KIRREL3: variants seen among roughly 807,000 people sequenced by gnomAD.
The protein encoded by KIRREL3 is kirre like nephrin family adhesion molecule 3, also known as kin of IRRE-like protein 3.
KIRREL3 carries 36 observed loss-of-function variants against 89.7 expected under a neutral mutation model. The ratio of observed to expected loss-of-function variants is 0.40; its 90% CI spans 0.31 to 0.53. The LOEUF (loss-of-function observed/expected upper bound fraction) is 0.53, where lower values mean the gene tolerates loss of function less well. Ranked by LOEUF, KIRREL3 falls within the 20% of genes least tolerant of loss-of-function variation. The probability of loss-of-function intolerance (pLI) is 0.49; values close to 1 mark genes in which losing one functional copy is unlikely to be tolerated. For missense variants in KIRREL3, 864 were observed against 1,056.6 expected, an observed-to-expected ratio of 0.82 and a Z score of 2.53; for synonymous variants, 445 against 441.4, an observed-to-expected ratio of 1.01 and a Z score of -0.10.
rs572549954 is a variant in KIRREL3, at chr11:126,571,152, C to T, written c.56-8240G>A. ...TGTGAGATTCGACTCCCAACCAATTCGGAGTCTCAGCCCTTTGGGCTGGCT... is the reference window on the plus strand; with the variant it reads ...TGTGAGATTCGACTCCCAACCAATTTGGAGTCTCAGCCCTTTGGGCTGGCT... On this transcript the variant is annotated intron_variant, in intron 1 of 16. Coordinates refer to ENST00000525144, the MANE Select transcript of KIRREL3 (RefSeq NM_032531.4). The surrounding 1 kb of genome is among the most constrained non-coding windows in gnomAD (Gnocchi z 7.7). Among the ~76,000 whole-genome samples, 56 of 152,286 alleles carry T rather than the reference C, an allele frequency of 3.7e-4. No homozygotes were observed. The highest frequency in any genetic ancestry group is 3.1e-4 in the African/African-American group (13 of 41,548).
chr11:126,975,922 C>T (rs866212268), intron 1 of KIRREL3, among the ~76,000 whole-genome samples: 6 of 85,536 alleles, frequency 7.0e-5, no homozygotes, highest in Non-Finnish European at 1.1e-4. Context: ...CTCCCTTCCT[C>T]CCTCCCTCCC....
chr11:126,565,746 G>T lies in KIRREL3; in HGVS notation c.56-2834C>A, dbSNP rs1015296042. ...GGGTTCACATGAGTGTGCCAGCAGG[G>T]AGTGAAGTGGGGGAAGGGAGGGGAT... On this transcript the variant is annotated intron_variant, in intron 1 of 16. Coordinates refer to ENST00000525144, the MANE Select transcript of KIRREL3 (RefSeq NM_032531.4). This position sits in a 1 kb window ranked among gnomAD's most constrained non-coding sequence, Gnocchi z 5.4. Among the ~76,000 whole-genome samples, 3 of 152,238 alleles carry T rather than the reference G, an allele frequency of 2.0e-5. No individual in the cohort carries two copies. Among genetic ancestry groups the T allele is most frequent in the Non-Finnish European group, 2.9e-5 (2 of 68,002 alleles).
intron 6 of KIRREL3, 38 bp from the exon 7 acceptor site, chr11:126,456,492 G>T (rs757004703): frequency 5.2e-6 from 7 of 1,357,654 alleles, no homozygotes; most frequent in Middle Eastern, 3.6e-4. Flanking sequence ...ACCGGAGAAA[G>T]AATGGGGGCA....
At position 126,594,377 on chromosome 11, in the gene KIRREL3, C is replaced by G. The variant is rs374065363; in HGVS notation, c.56-31465G>C. ...CTCCCTCACTGGACCAGAAGCTCCT[C>G]GAGGAAACTCTGCGCCCTTTAGACT... On this transcript the variant is annotated intron_variant, in intron 1 of 16. Transcript: ENST00000525144. This position sits in a 1 kb window ranked among gnomAD's most constrained non-coding sequence, Gnocchi z 5.0. 6.6e-6 allele frequency among the ~76,000 whole-genome samples: 1 copy of G among 152,104 alleles called. No individual in the cohort carries two copies. The highest frequency in any genetic ancestry group is 1.5e-5 in the Non-Finnish European group (1 of 68,030).
At chr11:126,533,614 A>G (rs1959007600) in intron 2 of KIRREL3, among the ~76,000 whole-genome samples, 1 of 152,054 alleles carries the variant, frequency 6.6e-6, no homozygotes, top group Non-Finnish European at 1.5e-5. Flanking sequence ...CCTCACAACC[A>G]CATCACTCAC....
At chr11:126,671,219 G>T (rs1412079137) in intron 1 of KIRREL3, among the ~76,000 whole-genome samples, 1 of 150,266 alleles carries the variant, frequency 6.7e-6, no homozygotes, top group African/African-American at 2.4e-5. Context: ...CCTTAGATTG[G>T]TGATGAGTTT....
chr11:126,584,138 G>C lies in KIRREL3; in HGVS notation c.56-21226C>G, dbSNP rs570754594. The stretch of plus-strand genomic sequence containing the variant: ...AAAGCCATCCTCGTGAGTAAAATTT[G>C]AGCAGTGGCAGCAGCCAGGGCACCC... On this transcript the variant is annotated intron_variant, in intron 1 of 16. Coordinates refer to ENST00000525144, the MANE Select transcript of KIRREL3 (RefSeq NM_032531.4). 1.5e-3 allele frequency among the ~76,000 whole-genome samples: 227 copies of C among 152,290 alleles called. 1 individual carries two copies. The highest frequency in any genetic ancestry group is 5.2e-3 in the African/African-American group (217 of 41,562).
Position 126,477,907 on chromosome 11 carries a change from G to A in KIRREL3, c.434-4441C>T, listed in dbSNP as rs1441808719. Among the ~76,000 whole-genome samples the A allele has an allele frequency of 6.6e-6, 1 of 152,204 alleles. No individual in the cohort carries two copies. Among genetic ancestry groups the A allele is most frequent in the Admixed American group, 6.5e-5 (1 of 15,282 alleles). ...TCATAGACACCCAGCCCTTTGGAGA[G>A]CAAGACTGGTTCTCATTTGACTCAA... On this transcript the variant is annotated intron_variant, in intron 4 of 16. Coordinates refer to ENST00000525144, the MANE Select transcript of KIRREL3 (RefSeq NM_032531.4). The surrounding 1 kb of genome is among the most constrained non-coding windows in gnomAD (Gnocchi z 4.8).
Position 126,649,343 on chromosome 11 carries a change from C to A in KIRREL3, c.56-86431G>T, listed in dbSNP as rs146655569. Among the ~76,000 whole-genome samples the A allele has an allele frequency of 1.2e-3, 188 of 152,258 alleles. 1 individual carries two copies. Among genetic ancestry groups the A allele is most frequent in the South Asian group, 0.01 (50 of 4,822 alleles). Reference sequence around the variant, plus strand: ...CCCTCAGTCCCCCAAATTCTTAACTCATTTCACCATTAACCCAAAAGTCCA... The same window carrying A: ...CCCTCAGTCCCCCAAATTCTTAACTAATTTCACCATTAACCCAAAAGTCCA... On this transcript the variant is annotated intron_variant, in intron 1 of 16. Transcript: ENST00000525144.
At position 126,454,438 on chromosome 11, in the gene KIRREL3, A is replaced by G. The variant is rs1292238735; in HGVS notation, c.848+1911T>C. On this transcript the variant is annotated intron_variant, in intron 7 of 16. Coordinates refer to ENST00000525144, the MANE Select transcript of KIRREL3 (RefSeq NM_032531.4). This position sits in a 1 kb window ranked among gnomAD's most constrained non-coding sequence, Gnocchi z 5.8. ...TGTCCTGGTCTCTGGGGCGCCCAACAGGCATTCTAAGGGTGGCTGTGAGGG... is the reference window on the plus strand; with the variant it reads ...TGTCCTGGTCTCTGGGGCGCCCAACGGGCATTCTAAGGGTGGCTGTGAGGG... 6.6e-6 allele frequency among the ~76,000 whole-genome samples: 1 copy of G among 152,078 alleles called. No individual in the cohort carries two copies. The highest frequency in any genetic ancestry group is 1.5e-5 in the Non-Finnish European group (1 of 68,010).
intron 1 of KIRREL3, among the ~76,000 whole-genome samples, chr11:126,845,187 A>G (rs1944098391): frequency 6.6e-6 from 1 of 152,126 alleles, no homozygotes; most frequent in Non-Finnish European, 1.5e-5. Flanking sequence ...CTCTGGAAAA[A>G]TGGAAAAAGA....
intron 1 of KIRREL3, among the ~76,000 whole-genome samples, chr11:126,836,900 A>G (rs77535874): frequency 0.013 from 2,048 of 152,142 alleles, 47 homozygotes; most frequent in African/African-American, 0.047. Context: ...AGAACAACAA[A>G]CTTATTTGTG....
intron 5 of KIRREL3, among the ~76,000 whole-genome samples, chr11:126,472,323 G>A (rs557807719): frequency 2.6e-5 from 4 of 152,282 alleles, no homozygotes; most frequent in African/African-American, 9.6e-5. Flanking sequence ...CTGTTCTGGA[G>A]GCCGGGAAGT....
Position 126,571,945 on chromosome 11 carries a change from A to G in KIRREL3, c.56-9033T>C, listed in dbSNP as rs1940962160. Among the ~76,000 whole-genome samples the G allele has an allele frequency of 6.6e-6, 1 of 152,218 alleles. No individual in the cohort carries two copies. The highest frequency in any genetic ancestry group is 1.5e-5 in the Non-Finnish European group (1 of 68,032). ...ATTCCTGTCCTCCAGTCTGTCTTCC[A>G]CACACCCTGTGAGGAACAGGGGCTG... On this transcript the variant is annotated intron_variant, in intron 1 of 16. Coordinates refer to ENST00000525144, the MANE Select transcript of KIRREL3 (RefSeq NM_032531.4). The surrounding 1 kb of genome is among the most constrained non-coding windows in gnomAD (Gnocchi z 7.7).
In KIRREL3 at chr11:126,513,151, C is replaced by T. The variant is rs1332622462; in HGVS notation, c.433+8164G>A. ...TGGGGGTGCAGCCACTGGGGCCAGG[C>T]AACAGCAGGAGGCTGAACCCCTACC... On this transcript the variant is annotated intron_variant, in intron 4 of 16. Transcript: ENST00000525144. The surrounding 1 kb of genome is among the most constrained non-coding windows in gnomAD (Gnocchi z 5.9). 6.6e-6 allele frequency among the ~76,000 whole-genome samples: 1 copy of T among 152,172 alleles called. No individual in the cohort carries two copies. Among genetic ancestry groups the T allele is most frequent in the Non-Finnish European group, 1.5e-5 (1 of 68,022 alleles).
rs186971288 is a variant in KIRREL3 at position 126,918,487 on chromosome 11, G to A, written c.55+81968C>T. The stretch of plus-strand genomic sequence containing the variant: ...CAGGGTGATAAGCAAGCTTGTGGTG[G>A]AGGGCAGTTACCGGATTTTAATTAA... On this transcript the variant is annotated intron_variant, in intron 1 of 16. Transcript: ENST00000525144. This position sits in a 1 kb window ranked among gnomAD's most constrained non-coding sequence, Gnocchi z 6.5. Among the ~76,000 whole-genome samples the A allele has an allele frequency of 6.8e-4, 104 of 152,322 alleles. No individual in the cohort carries two copies. Among genetic ancestry groups the A allele is most frequent in the African/African-American group, 2.4e-3 (100 of 41,556 alleles).
rs990981185 is a variant in KIRREL3, at chr11:126,739,617, A to G, written c.56-176705T>C. On this transcript the variant is annotated intron_variant, in intron 1 of 16. Transcript: ENST00000525144. The surrounding 1 kb of genome is among the most constrained non-coding windows in gnomAD (Gnocchi z 5.5). The stretch of plus-strand genomic sequence containing the variant: ...CTTTGTATGACAGCATGTTAACAAC[A>G]TCTGTAATTTGGGCAGGAGTGAGGA... 1.3e-5 allele frequency among the ~76,000 whole-genome samples: 2 copies of G among 152,190 alleles called. No homozygotes were observed. The highest frequency in any genetic ancestry group is 4.8e-5 in the African/African-American group (2 of 41,450).
At chr11:126,632,111 C>A (rs1218252785) in intron 1 of KIRREL3, among the ~76,000 whole-genome samples, 1 of 152,240 alleles carries the variant, frequency 6.6e-6, no homozygotes, top group Non-Finnish European at 1.5e-5. Context: ...TTCAGGAGGT[C>A]TGGGAGGGGC....
At chr11:126,920,096 T>G (rs993211157) in intron 1 of KIRREL3, 2 of 152,254 alleles carry the variant, frequency 1.3e-5, no homozygotes, top group African/African-American at 4.8e-5. Flanking sequence ...CTTGTCATTC[T>G]TCTTATTGTA....
Sources: allele counts gnomAD v4.1 joint callset (sites outside exome capture counted in the v4.1 genomes callset), GRCh38; gene constraint gnomAD v4.1.1; non-coding constraint Gnocchi (gnomAD v3.1); transcripts MANE v1.5; gene names NCBI Gene and HGNC (gene_info 2026-07-23, HGNC 2026-07-21).